GPR107: variants seen among roughly 807,000 people sequenced by gnomAD.
GPR107 encodes G protein-coupled receptor 107.
A neutral mutation model predicts 75.5 loss-of-function variants in GPR107; 31 were observed. That is an observed-to-expected ratio of 0.41 (90% confidence interval 0.31 to 0.55). The LOEUF (loss-of-function observed/expected upper bound fraction) is 0.55, where lower values mean the gene tolerates loss of function less well. Ranked by LOEUF, GPR107 falls within the 20% of genes least tolerant of loss-of-function variation. The pLI, the probability that GPR107 is intolerant of heterozygous loss-of-function variation, is 0.26. For missense variants in GPR107, 572 were observed against 665.7 expected (o/e 0.86, Z 1.55); for synonymous variants, 267 against 251.3 (o/e 1.06, Z -0.59).
At chr9:130,134,690 CAT>C (rs1386229626) in intron 17 of GPR107, among the ~76,000 whole-genome samples, 1 of 152,248 alleles carries the variant, frequency 6.6e-6, no homozygotes, top group African/African-American at 2.4e-5. Context: ...GTAACTATCA[CAT>C]ATCTGTGCGC....
chr9:130,064,721 C>T (rs1024155846), intron 1 of GPR107, among the ~76,000 whole-genome samples: 1 of 151,966 alleles, frequency 6.6e-6, no homozygotes, highest in Non-Finnish European at 1.5e-5. Context: ...AGGTCATATG[C>T]GGTTAGGGTG....
In GPR107 at chr9:130,088,444, G is replaced by A. The variant is rs1830664179; in HGVS notation, c.621+1968G>A. On this transcript the variant is annotated intron_variant, in intron 7 of 17. Transcript: ENST00000347136. Reference sequence around the variant, plus strand: ...TTAGTATTATCACTTCCAACATGCTGTATACTGTACTTAGTTATGTTTATT... The same window carrying A: ...TTAGTATTATCACTTCCAACATGCTATATACTGTACTTAGTTATGTTTATT... Among the ~76,000 whole-genome samples the A allele has an allele frequency of 2.0e-5, 3 of 152,268 alleles. No homozygotes were observed. The South Asian group carries it at 6.2e-4, about 32-fold the overall frequency.
At chr9:130,090,275 T>C (rs1010129533) in intron 7 of GPR107, among the ~76,000 whole-genome samples, 1 of 152,222 alleles carries the variant, frequency 6.6e-6, no homozygotes, top group Non-Finnish European at 1.5e-5. Flanking sequence ...ATGAAATGTA[T>C]GAAAAACAGA....
At chr9:130,059,179 A>G (rs1164486996) in intron 1 of GPR107, among the ~76,000 whole-genome samples, 1 of 152,136 alleles carries the variant, frequency 6.6e-6, no homozygotes, top group African/African-American at 2.4e-5. Flanking sequence ...AGCATTTGTC[A>G]TTGTCTTCCT....
chr9:130,077,908 G>GT (rs1424714802), intron 4 of GPR107, among the ~76,000 whole-genome samples: 1 of 152,186 alleles, frequency 6.6e-6, no homozygotes, highest in African/African-American at 2.4e-5. Context: ...GCTCATGCCT[G>GT]TAATCCCAGC....
intron 1 of GPR107, among the ~76,000 whole-genome samples, chr9:130,066,078 G>A (rs891165612): frequency 1.3e-5 from 2 of 151,976 alleles, no homozygotes; most frequent in African/African-American, 2.4e-5. Flanking sequence ...AGACCAAGGC[G>A]GGTGGATCAC....
At chr9:130,084,074 A>C (rs886379712) in intron 6 of GPR107, among the ~76,000 whole-genome samples, 2 of 145,430 alleles carry the variant, frequency 1.4e-5, no homozygotes, top group African/African-American at 5.0e-5. Context: ...ATATATGTAC[A>C]CACATACATA....
chr9:130,121,321 G>A (rs1477294427), intron 14 of GPR107, among the ~76,000 whole-genome samples: 1 of 152,144 alleles, frequency 6.6e-6, no homozygotes, highest in African/African-American at 2.4e-5. Flanking sequence ...AACGATAGCT[G>A]ATTAGCTAAA....
intron 6 of GPR107, among the ~76,000 whole-genome samples, chr9:130,085,211 C>T (rs1830587401): frequency 1.3e-5 from 2 of 152,060 alleles, no homozygotes; most frequent in South Asian, 4.1e-4. Context: ...CCAGGAAGGA[C>T]ACAGTTGTGA....
chr9:130,087,728 G>GA (rs1430128103), intron 7 of GPR107, among the ~76,000 whole-genome samples: 2 of 128,138 alleles, frequency 1.6e-5, no homozygotes, highest in Non-Finnish European at 3.6e-5. Context: ...ACTTGAGCCT[G>GA]GGGGGTCAAG....
chr9:130,067,207 A>T (rs754331267), intron 1 of GPR107, among the ~76,000 whole-genome samples: 1 of 151,476 alleles, frequency 6.6e-6, no homozygotes, highest in African/African-American at 2.4e-5. Flanking sequence ...CTACTGAGCT[A>T]ATAATGATAA....
At chr9:130,100,559 C>T in intron 10 of GPR107, 70 bp from the exon 11 acceptor site, 1 of 1,104,488 alleles carries the variant, frequency 9.1e-7, no homozygotes, top group Non-Finnish European at 1.4e-6. Flanking sequence ...CAAATGGGTC[C>T]AAGTTAAAAG....
intron 16 of GPR107, 132 bp downstream of exon 16, chr9:130,127,698 T>TA: frequency 1.6e-6 from 1 of 606,348 alleles, no homozygotes; most frequent in African/African-American, 1.9e-5. Flanking sequence ...TTTTTTTAAC[T>TA]AAAAATTTTT....
chr9:130,129,994 T>C (rs1397119124), intron 17 of GPR107: 1 of 152,284 alleles, frequency 6.6e-6, no homozygotes, highest in Non-Finnish European at 1.5e-5. Context: ...GAAGGTATTT[T>C]TGTTTCGTGG....
At chr9:130,114,248 A>C (rs1456220370) in intron 14 of GPR107, among the ~76,000 whole-genome samples, 1 of 151,890 alleles carries the variant, frequency 6.6e-6, no homozygotes, top group Non-Finnish European at 1.5e-5. Flanking sequence ...GCACACCTGT[A>C]ATCCCAGCTA....
At chr9:130,132,473 C>T (rs1831850806) in intron 17 of GPR107, among the ~76,000 whole-genome samples, 1 of 152,240 alleles carries the variant, frequency 6.6e-6, no homozygotes, top group African/African-American at 2.4e-5. Context: ...CCTTCCCAGA[C>T]TGGCTGGATG....
intron 9 of GPR107, among the ~76,000 whole-genome samples, chr9:130,094,373 G>A (rs1253115379): frequency 1.3e-5 from 2 of 152,124 alleles, no homozygotes; most frequent in Non-Finnish European, 2.9e-5. Context: ...GAACCTGGGA[G>A]GTGGAGCTTG....
At chr9:130,076,322 G>A (rs901731683) in intron 2 of GPR107, 90 bp from the exon 3 acceptor site, 19 of 801,344 alleles carry the variant, frequency 2.4e-5, no homozygotes, top group African/African-American at 5.1e-5. Context: ...AGGAGACCAC[G>A]TTAGAAGTAC....
At chr9:130,107,387 A>G (rs1831185679) in intron 13 of GPR107, 109 bp from the exon 14 acceptor site, 14 of 747,904 alleles carry the variant, frequency 1.9e-5, no homozygotes, top group South Asian at 5.7e-5. Flanking sequence ...ATGTAGTCCA[A>G]CCTTTCAGCA....
Sources: allele counts gnomAD v4.1 joint callset (sites outside exome capture counted in the v4.1 genomes callset), GRCh38; gene constraint gnomAD v4.1.1; transcripts MANE v1.5; gene names NCBI Gene and HGNC (gene_info 2026-07-23, HGNC 2026-07-21).